PSMD7: variants seen among roughly 807,000 people sequenced by gnomAD.
PSMD7 encodes 26S proteasome non-ATPase regulatory subunit 7.
In PSMD7, 13 loss-of-function variants were observed where a neutral mutation model predicts 36.4. The observed-to-expected ratio is 0.36, with a 90% CI of 0.23 to 0.57. The LOEUF (loss-of-function observed/expected upper bound fraction) is 0.57, where lower values mean the gene tolerates loss of function less well. PSMD7 is among the 20% of genes least tolerant of loss of function. The probability of loss-of-function intolerance (pLI) is 0.83; values close to 1 mark genes in which losing one functional copy is unlikely to be tolerated. For synonymous variants in PSMD7, 186 were observed against 151.0 expected, an observed-to-expected ratio of 1.23 and a Z score of -1.70; for missense variants, 298 against 393.6, an observed-to-expected ratio of 0.76 and a Z score of 2.06.
chr16:74,304,750 A>G (rs2034182330), intron 6 of PSMD7: 2 of 180,070 alleles, frequency 1.1e-5, no homozygotes, highest in African/African-American at 2.4e-5. Context: ...CATTTTCTGG[A>G]GAGAATCTTC....
chr16:74,301,306 T>C (rs17336700), intron 3 of PSMD7, among the ~76,000 whole-genome samples, 162 bp downstream of exon 3: 17,853 of 151,966 alleles, frequency 0.12, 1,430 homozygotes, highest in Admixed American at 0.22. Context: ...AAAACTAGAG[T>C]AGCAATTTAA....
At chr16:74,301,718 T>C in intron 4 of PSMD7, 66 bp downstream of exon 4, 2 of 1,330,636 alleles carry the variant, frequency 1.5e-6, no homozygotes, top group Non-Finnish European at 2.1e-6. Context: ...AGTAAGAGCA[T>C]CCTGGGAAGA....
rs936212736 is a variant in PSMD7, at chr16:74,305,149, C to G, written c.531-140C>G. On this transcript the variant is annotated intron_variant, in intron 6 of 6. Transcript: ENST00000219313. ...AGGTAATTGATAACGAAATCTTTAT[C>G]AAATGGGGAAGTGACATTTTTCTTT... 2.0e-5 allele frequency: 22 copies of G among 1,086,374 alleles called. No homozygotes were observed. In the African/African-American group the frequency reaches 2.7e-4, roughly 13 times the overall value. The allele number at this position is 1,086,374 out of a possible 1,614,324, so 67.3% of individuals were successfully genotyped here.
intron 1 of PSMD7, chr16:74,299,723 T>A (rs1362721413): frequency 9.3e-6 from 3 of 323,306 alleles, no homozygotes; most frequent in Non-Finnish European, 1.9e-5. Context: ...CAAAAAAGAT[T>A]TCAGGATGGG....
In PSMD7 at chr16:74,305,836, G is replaced by T; in HGVS notation, c.*103G>T. Reference sequence around the variant, plus strand: ...TTTCACTTGACATGCTTATTAGAAAGCTGACCCAACAAGAGCTCTCTGCCT... The same window carrying T: ...TTTCACTTGACATGCTTATTAGAAATCTGACCCAACAAGAGCTCTCTGCCT... On this transcript the variant is annotated 3_prime_UTR_variant, in exon 7 of 7. Coordinates refer to ENST00000219313, the MANE Select transcript of PSMD7 (RefSeq NM_002811.5). 1 of 1,309,012 alleles carries T rather than the reference G, an allele frequency of 7.6e-7. No individual in the cohort carries two copies. Among genetic ancestry groups the T allele is most frequent in the Non-Finnish European group, 9.8e-7 (1 of 1,015,282 alleles). The allele number at this position is 1,309,012 out of a possible 1,614,324, so 81.1% of individuals were successfully genotyped here.
intron 6 of PSMD7, 71 bp downstream of exon 6, chr16:74,304,465 G>A (rs2034180276): frequency 7.1e-7 from 1 of 1,414,552 alleles, no homozygotes; most frequent in East Asian, 2.3e-5. Context: ...AGAGGTCTGT[G>A]TCGGGAATAT....
chr16:74,300,298 A>T, intron 2 of PSMD7, 92 bp downstream of exon 2: 1 of 1,144,380 alleles, frequency 8.7e-7, no homozygotes, highest in Non-Finnish European at 1.3e-6. Flanking sequence ...TTTGACTACA[A>T]CCCAGAGATT....
chr16:74,300,943 GC>G (rs1335203024), intron 2 of PSMD7, 108 bp from the exon 3 acceptor site: 1 of 559,988 alleles, frequency 1.8e-6, no homozygotes, highest in South Asian at 3.1e-5. Context: ...ACTTTGCTGG[GC>G]AAGTGAAACA....
In PSMD7 at chr16:74,300,140, C is replaced by T. The variant is rs947994094; in HGVS notation, c.100C>T (p.Arg34Cys). The T allele has an allele frequency of 2.5e-6, 4 of 1,614,124 alleles. No individual in the cohort carries two copies. Among genetic ancestry groups the T allele is most frequent in the Non-Finnish European group, 3.4e-6 (4 of 1,180,032 alleles). The change falls in exon 2 of 7, where the codon CGT becomes TGT. Residue 34 changes from arginine (R) to cysteine (C), a missense_variant. By Grantham distance (180) the Arg-to-Cys change is radical. Coordinates refer to ENST00000219313, the MANE Select transcript of PSMD7 (RefSeq NM_002811.5). ...NRIGKVGNQKRVVGVLLGSWQ... is the reference protein window; with the variant it reads ...NRIGKVGNQKCVVGVLLGSWQ... ...AATCGGCAAGGTTGGAAACCAGAAG[C>T]GTGTTGTTGGTGTGCTTTTGGGGTC...
rs761190927 is a variant in PSMD7, at chr16:74,301,046, CTT to C, written c.167-4_167-3del. 1.9e-6 allele frequency: 3 copies of C among 1,595,546 alleles called. No individual in the cohort carries two copies. In the African/African-American group the frequency reaches 4.0e-5, roughly 22 times the overall value. Reference sequence around the variant, plus strand: ...ACCCTAAACTAACTTTTTTTTTCCTCTTTAGTTCCTTTTGATGAAGATGACAA... The same window carrying C: ...ACCCTAAACTAACTTTTTTTTTCCTCTAGTTCCTTTTGATGAAGATGACAA... On this transcript the variant is annotated splice_polypyrimidine_tract_variant and splice_region_variant and intron_variant, in intron 2 of 6. Coordinates refer to ENST00000219313, the MANE Select transcript of PSMD7 (RefSeq NM_002811.5).
At chr16:74,301,983 A>G (rs368334716) in intron 4 of PSMD7, among the ~76,000 whole-genome samples, 1 of 152,168 alleles carries the variant, frequency 6.6e-6, no homozygotes, top group South Asian at 2.1e-4. Context: ...TGTTGACTCT[A>G]ATGTCCTTGT....
chr16:74,298,709 A>C lies in PSMD7; in HGVS notation c.75-1406A>C, dbSNP rs2034133426. Among the ~76,000 whole-genome samples, 3 of 152,080 alleles carry C rather than the reference A, an allele frequency of 2.0e-5. No homozygotes were observed. In the South Asian group the frequency reaches 6.2e-4, roughly 32 times the overall value. On this transcript the variant is annotated intron_variant, in intron 1 of 6. Transcript: ENST00000219313. ...GAAACCCCTTCTCTACCAAAAAAAA[A>C]ACAAAAAAACAAAAATTAGCCAGGT...
chr16:74,302,145 G>T, intron 4 of PSMD7, 67 bp from the exon 5 acceptor site: 1 of 1,247,088 alleles, frequency 8.0e-7, no homozygotes, highest in South Asian at 1.3e-5. Flanking sequence ...ATTGTGAGAA[G>T]AATGCCTGAA....
At chr16:74,301,789 T>C (rs971063886) in intron 4 of PSMD7, 137 bp downstream of exon 4, 9 of 675,220 alleles carry the variant, frequency 1.3e-5, no homozygotes, top group East Asian at 2.7e-5. Context: ...TTTGTAGTGC[T>C]CTGTGAAGTA....
chr16:74,300,968 G>C (rs768491215), intron 2 of PSMD7, 84 bp from the exon 3 acceptor site: 22 of 752,376 alleles, frequency 2.9e-5, no homozygotes, highest in Non-Finnish European at 4.7e-5. Flanking sequence ...AAGTGAATCA[G>C]AACTGGCCTA....
At position 74,305,975 on chromosome 16, in the gene PSMD7, TTGTA is replaced by T. The variant is rs1220752236; in HGVS notation, c.*245_*248del. 5 of 348,034 alleles carry T rather than the reference TTGTA, an allele frequency of 1.4e-5. No individual in the cohort carries two copies. Among genetic ancestry groups the T allele is most frequent in the Non-Finnish European group, 2.5e-5 (5 of 196,344 alleles). The allele number at this position is 348,034 out of a possible 1,614,324, so 21.6% of individuals were successfully genotyped here. ...TATGATAGTCAGCTCAGGCTTCAGA[TTGTA>T]TGAGAAAAATGAAGAGAAGTCAACA... On this transcript the variant is annotated 3_prime_UTR_variant, in exon 7 of 7. Transcript: ENST00000219313.
At chr16:74,300,606 C>A in intron 2 of PSMD7, 1 of 246,314 alleles carries the variant, frequency 4.1e-6, no homozygotes. Context: ...TTATGTGAAT[C>A]CTTACAAGAA....
chr16:74,300,720 A>G (rs1247075166), intron 2 of PSMD7, among the ~76,000 whole-genome samples: 2 of 152,242 alleles, frequency 1.3e-5, no homozygotes, highest in Non-Finnish European at 1.5e-5. Context: ...TAAAATGACC[A>G]GCTAGTCATG....
chr16:74,305,730 G>T lies in PSMD7; in HGVS notation c.972G>T (p.Lys324Asn). ...AGAAAGAGGAGAAAAAGGAGAAAAA[G>T]TAAAACATGTATTAAATAGCTTTTT... ...DVKKEEKKEK[K>N] Residue 324 changes from lysine (K) to asparagine (N), a missense_variant, in exon 7 of 7, where the codon AAG becomes AAT. Lys to Asn is a moderately conservative substitution (Grantham distance 94). Transcript: ENST00000219313. The T allele has an allele frequency of 7.0e-7, 1 of 1,418,992 alleles. No individual in the cohort carries two copies. The allele number at this position is 1,418,992 out of a possible 1,614,324, so 87.9% of individuals were successfully genotyped here. A position where few individuals can be genotyped will look rare whatever the true frequency, so the allele number is the denominator to read the frequency against.
Sources: gnomAD v4.1 joint callset for allele counts (sites outside exome capture counted in the v4.1 genomes callset) on GRCh38, gnomAD v4.1.1 for gene constraint, MANE v1.5 for transcripts, NCBI Gene and HGNC (gene_info 2026-07-23, HGNC 2026-07-21) for gene names.